PCDHGB5: variants seen among roughly 807,000 people sequenced by gnomAD.
The protein encoded by PCDHGB5 is protocadherin gamma-B5.
Under a neutral mutation model 62.9 loss-of-function variants are expected in PCDHGB5, and 48 were observed. That is an observed-to-expected ratio of 0.76 (90% CI 0.61 to 0.97). The LOEUF is 0.97. PCDHGB5 is among the 50% of genes least tolerant of loss of function. The pLI is 0.00. For synonymous variants in PCDHGB5, 474 were observed against 511.2 expected, an observed-to-expected ratio of 0.93 and a Z score of 0.98; for missense variants, 1,118 against 1,198.6, an observed-to-expected ratio of 0.93 and a Z score of 0.99.
intron 1 of PCDHGB5, chr5:141,423,928 G>C: frequency 8.1e-7 from 1 of 1,236,850 alleles, no homozygotes; most frequent in Non-Finnish European, 1.0e-6. Flanking sequence ...ATGCTGGTTT[G>C]GTTTGAAGTA....
At chr5:141,474,606 T>C (rs1156236978) in intron 1 of PCDHGB5, among the ~76,000 whole-genome samples, 1 of 152,242 alleles carries the variant, frequency 6.6e-6, no homozygotes, top group Non-Finnish European at 1.5e-5. Context: ...ATAGGTCACA[T>C]ATGGCTTTTC....
At chr5:141,478,505 T>C (rs1298083274) in intron 1 of PCDHGB5, 3 of 1,612,032 alleles carry the variant, frequency 1.9e-6, no homozygotes, top group Non-Finnish European at 2.5e-6. Context: ...TCCGGTGTTC[T>C]ATAGGCAGGT....
intron 1 of PCDHGB5, chr5:141,404,061 A>G (rs375910829): frequency 9.9e-6 from 16 of 1,613,906 alleles, no homozygotes; most frequent in African/African-American, 4.0e-5. Flanking sequence ...CTTCTTTTCA[A>G]TGCTCATGAC....
chr5:141,446,622 G>A (rs1338969669), intron 1 of PCDHGB5, among the ~76,000 whole-genome samples: 13 of 152,044 alleles, frequency 8.6e-5, no homozygotes, highest in East Asian at 1.9e-4. Flanking sequence ...GACTACAGGC[G>A]TGCACCACCA....
At chr5:141,508,681 C>T (rs970069) in intron 3 of PCDHGB5, among the ~76,000 whole-genome samples, 26,289 of 151,984 alleles carry the variant, frequency 0.17, 2,539 homozygotes, top group Admixed American at 0.29. Flanking sequence ...CTCCCTTCTC[C>T]CTGCTTCTCC....
intron 2 of PCDHGB5, among the ~76,000 whole-genome samples, chr5:141,504,651 G>A (rs905210723): frequency 8.4e-6 from 1 of 119,750 alleles, no homozygotes; most frequent in Non-Finnish European, 1.6e-5. Flanking sequence ...ATGATAGAGT[G>A]TTTGAGGGCG....
intron 1 of PCDHGB5, among the ~76,000 whole-genome samples, chr5:141,434,448 G>A (rs2097694852): frequency 6.6e-6 from 1 of 152,210 alleles, no homozygotes; most frequent in Non-Finnish European, 1.5e-5. Context: ...CATGCTGGAA[G>A]GTAGTGGGTT....
chr5:141,478,164 C>A (rs202185809), intron 1 of PCDHGB5: 2 of 1,614,010 alleles, frequency 1.2e-6, no homozygotes, highest in African/African-American at 1.3e-5. Context: ...GGCTCTGCCC[C>A]CCGGGAGCAG....
chr5:141,467,506 G>A (rs1364362269), intron 1 of PCDHGB5, among the ~76,000 whole-genome samples: 1 of 152,094 alleles, frequency 6.6e-6, no homozygotes, highest in Non-Finnish European at 1.5e-5. Flanking sequence ...TGATCTAATT[G>A]GAGTTTATTC....
chr5:141,408,372 G>A, intron 1 of PCDHGB5: 2 of 1,614,024 alleles, frequency 1.2e-6, no homozygotes, highest in African/African-American at 1.3e-5. Flanking sequence ...CTAGGGCTCA[G>A]TGTCCTGGAT....
At chr5:141,438,282 T>C (rs915347472) in intron 1 of PCDHGB5, among the ~76,000 whole-genome samples, 1 of 151,630 alleles carries the variant, frequency 6.6e-6, no homozygotes, top group African/African-American at 2.4e-5. Context: ...CAAAATAATT[T>C]AATCTGTATG....
At chr5:141,401,726 A>T (rs943909540) in intron 1 of PCDHGB5, among the ~76,000 whole-genome samples, 1 of 152,186 alleles carries the variant, frequency 6.6e-6, no homozygotes, top group African/African-American at 2.4e-5. Context: ...AAAAACTACT[A>T]GTCTTGTGTA....
chr5:141,470,911 G>A (rs1208467445), intron 1 of PCDHGB5, among the ~76,000 whole-genome samples: 1 of 151,916 alleles, frequency 6.6e-6, no homozygotes, highest in Non-Finnish European at 1.5e-5. Context: ...AGATGGGACT[G>A]TCCCTATGTT....
intron 1 of PCDHGB5, among the ~76,000 whole-genome samples, chr5:141,433,837 C>CA (rs56191208): frequency 0.14 from 15,134 of 111,544 alleles, 1,164 homozygotes; most frequent in African/African-American, 0.25. Context: ...AACTCTATCT[C>CA]AAAAAAAAAA....
At chr5:141,461,082 T>C (rs2099008648) in intron 1 of PCDHGB5, among the ~76,000 whole-genome samples, 1 of 152,070 alleles carries the variant, frequency 6.6e-6, no homozygotes, top group South Asian at 2.1e-4. Flanking sequence ...AATTGTGAAT[T>C]GTGCTGCTAT....
intron 1 of PCDHGB5, chr5:141,415,846 G>A: frequency 3.2e-6 from 4 of 1,240,536 alleles, no homozygotes; most frequent in Non-Finnish European, 4.2e-6. Flanking sequence ...TAGCTTTGCA[G>A]AACCTTGTAG....
chr5:141,445,363 T>C (rs186841717), intron 1 of PCDHGB5, among the ~76,000 whole-genome samples: 9 of 152,284 alleles, frequency 5.9e-5, no homozygotes. Context: ...CCAAGTCTGG[T>C]CCTGGGTGGT....
intron 1 of PCDHGB5, among the ~76,000 whole-genome samples, chr5:141,452,199 G>T (rs2098736057): frequency 1.3e-5 from 2 of 151,778 alleles, no homozygotes; most frequent in African/African-American, 4.8e-5. Flanking sequence ...AATTGTTTTA[G>T]ATGTTACCAA....
At position 141,429,387 on chromosome 5, in the gene PCDHGB5, TAAAAA is replaced by T. The variant is rs11410533; in HGVS notation, c.2397+28867_2397+28871del. On this transcript the variant is annotated intron_variant, in intron 1 of 3. Transcript: ENST00000617380. ...AAATGGAGAAAATGTGTTTTTTTTT[TAAAAA>T]AAATTGAGATTAAGGTCTCATTATG... 8.8e-4 allele frequency among the ~76,000 whole-genome samples: 134 copies of T among 151,448 alleles called. 1 individual carries two copies. Among genetic ancestry groups the T allele is most frequent in the Non-Finnish European group, 1.5e-3 (103 of 67,818 alleles).
Sources: allele counts gnomAD v4.1 joint callset (sites outside exome capture counted in the v4.1 genomes callset), GRCh38; gene constraint gnomAD v4.1.1; transcripts MANE v1.5; gene names NCBI Gene and HGNC (gene_info 2026-07-23, HGNC 2026-07-21).